TMEM121: variants seen among roughly 807,000 people sequenced by gnomAD.
TMEM121 encodes the protein transmembrane protein 121, also known as transmembrane protein 121A.
Under a neutral mutation model 16.4 loss-of-function variants are expected in TMEM121, and 8 were observed. The ratio of observed to expected loss-of-function variants is 0.49; its 90% CI spans 0.29 to 0.88. TMEM121 has a LOEUF of 0.88. Ranked by LOEUF, TMEM121 falls within the 40% of genes least tolerant of loss-of-function variation. The pLI is 0.09. For missense variants in TMEM121, 401 were observed against 462.0 expected (o/e 0.87, Z 1.21); for synonymous variants, 235 against 226.2 (o/e 1.04, Z -0.35).
rs10569304 is a variant in TMEM121 at position 105,529,712 on chromosome 14, TGCC to T, written c.896_898del (p.Pro299del). The T allele has an allele frequency of 0.28, 429,074 of 1,524,964 alleles. 66,989 individuals are homozygous for T. The highest frequency in any genetic ancestry group is 0.66 in the African/African-American group (47,352 of 71,778). The allele number at this position is 1,524,964 out of a possible 1,614,324, so 94.5% of individuals were successfully genotyped here. On this transcript the variant is annotated inframe_deletion, in exon 2 of 2. Transcript: ENST00000392519. Reference sequence around the variant, plus strand: ...CCGCCACCCCCGCAGCGCAACTCGGTGCCGCCGCCGCCGCCGCCGCTGCACGGC... The same window carrying T: ...CCGCCACCCCCGCAGCGCAACTCGGTGCCGCCGCCGCCGCCGCTGCACGGC...
Position 105,529,648 on chromosome 14 carries a change from C to T in TMEM121, c.814C>T (p.Arg272Cys), listed in dbSNP as rs1555444322. ...CTTCCTGGAGTACCGCCGCCAGGTGCGCGACTTCCCGCCGCCTGCGCTATC... is the reference window on the plus strand; with the variant it reads ...CTTCCTGGAGTACCGCCGCCAGGTGTGCGACTTCCCGCCGCCTGCGCTATC... ...CTFLEYRRQV[R>C]DFPPPALSLE... Residue 272 changes from arginine (R) to cysteine (C), a missense_variant, in exon 2 of 2, where the codon CGC (arginine) becomes TGC (cysteine). Transcript: ENST00000392519. 6.3e-7 allele frequency: 1 copy of T among 1,576,896 alleles called. No homozygotes were observed. Among genetic ancestry groups the T allele is most frequent in the Non-Finnish European group, 8.5e-7 (1 of 1,170,222 alleles).
chr14:105,530,034 G>C lies in TMEM121; in HGVS notation c.*240G>C. On this transcript the variant is annotated 3_prime_UTR_variant, in exon 2 of 2. Transcript: ENST00000392519. ...GGGTCTGTTTGGGAGGCCTGGGCCG[G>C]AGCAGAGCAGAGGTGATCCGGCCCC... 2.0e-6 allele frequency: 1 copy of C among 494,084 alleles called. No individual in the cohort carries two copies. The highest frequency in any genetic ancestry group is 3.6e-6 in the Non-Finnish European group (1 of 279,484). 30.6% of individuals were successfully genotyped at this position (494,084 alleles called of 1,614,324 possible).
chr14:105,527,760 T>G (rs1555443979), intron 1 of TMEM121, among the ~76,000 whole-genome samples: 1 of 145,716 alleles, frequency 6.9e-6, no homozygotes, highest in Non-Finnish European at 1.5e-5. Context: ...GTGGAGGGGG[T>G]GAGGGGCTGG....
chr14:105,529,530 G>C lies in TMEM121; in HGVS notation c.696G>C (p.Ala232=), dbSNP rs1555444288. Residue 232 remains alanine (A), a synonymous_variant, in exon 2 of 2, where the codon GCG becomes GCC. Transcript: ENST00000392519. ...CCGTCAATGTGGTGGCCGTGCTGGC[G>C]CGCGCCGCCAACATGGCGCTGTTCC... is the stretch of plus-strand genomic sequence containing the variant. ...LATVNVVAVL[A]RAANMALFRD... is the part of the protein sequence containing the mutation. The C allele has an allele frequency of 1.3e-6, 2 of 1,541,306 alleles. No individual in the cohort carries two copies. The highest frequency in any genetic ancestry group is 2.4e-5 in the South Asian group (2 of 84,152).
At position 105,529,051 on chromosome 14, in the gene TMEM121, G is replaced by A. The variant is rs1555444166; in HGVS notation, c.217G>A (p.Gly73Ser). 6.2e-7 allele frequency: 1 copy of A among 1,612,454 alleles called. No individual in the cohort carries two copies. The highest frequency in any genetic ancestry group is 8.5e-7 in the Non-Finnish European group (1 of 1,179,782). Residue 73 changes from glycine to serine, a missense_variant, in exon 2 of 2, where the codon GGC becomes AGC. Gly to Ser is a moderately conservative substitution (Grantham distance 56). Transcript: ENST00000392519. ...VGAEVRTAKR[G>S]YAMILWFLYI... is the part of the protein sequence containing the mutation. The stretch of plus-strand genomic sequence containing the variant: ...CGCCGAGGTGCGCACGGCCAAGCGC[G>A]GCTACGCCATGATCCTGTGGTTCCT...
At position 105,526,884 on chromosome 14, in the gene TMEM121, G is replaced by T. The variant is rs2084592274; in HGVS notation, c.-114+231G>T. On this transcript the variant is annotated intron_variant, in intron 1 of 1. Coordinates refer to ENST00000392519, the MANE Select transcript of TMEM121 (RefSeq NM_025268.4). The surrounding 1 kb of genome is among the most constrained non-coding windows in gnomAD (Gnocchi z 6.8). ...GCCTGCTGGGAGCGGCCCAAGCTCT[G>T]CACCGGCCCGCGGCGGGAGCACAGC... Among the ~76,000 whole-genome samples the T allele has an allele frequency of 6.6e-6, 1 of 152,000 alleles. No individual in the cohort carries two copies. The highest frequency in any genetic ancestry group is 1.9e-4 in the East Asian group (1 of 5,170).
chr14:105,528,839 T>G lies in TMEM121; in HGVS notation c.5T>G (p.Val2Gly). The change falls in exon 2 of 2, where the codon GTG (valine) becomes GGG (glycine). Residue 2 changes from valine to glycine, a missense_variant. Val to Gly is a moderately radical substitution (Grantham distance 109). Transcript: ENST00000392519. ...GCCGGGGCCCGGCGGCCGACCATGGTGCTGCCGCCCCCGGACCGGCGCCAC... is the reference window on the plus strand; with the variant it reads ...GCCGGGGCCCGGCGGCCGACCATGGGGCTGCCGCCCCCGGACCGGCGCCAC... M[V>G]LPPPDRRHVC... 1.3e-6 allele frequency: 2 copies of G among 1,531,424 alleles called. No individual in the cohort carries two copies. The highest frequency in any genetic ancestry group is 1.8e-6 in the Non-Finnish European group (2 of 1,139,136). The allele number at this position is 1,531,424 out of a possible 1,614,324, so 94.9% of individuals were successfully genotyped here.
In TMEM121 at chr14:105,529,762, T is replaced by C; in HGVS notation, c.928T>C (p.Ser310Pro). Residue 310 changes from serine (S) to proline (P), a missense_variant, in exon 2 of 2, where the codon TCC becomes CCC. Physicochemically the swap from Ser to Pro is moderately conservative, Grantham distance 74. Coordinates refer to ENST00000392519, the MANE Select transcript of TMEM121 (RefSeq NM_025268.4). ...CGGCCCGCCTGGGCGCCCCCACATG[T>C]CCTCGCCCACGCGTGACCCCCTGGA... The part of the protein sequence containing the change: ...LHGPPGRPHM[S>P]SPTRDPLDT 1 of 1,491,210 alleles carries C rather than the reference T, an allele frequency of 6.7e-7. No homozygotes were observed. The highest frequency in any genetic ancestry group is 8.8e-7 in the Non-Finnish European group (1 of 1,130,546). 92.4% of individuals were successfully genotyped at this position (1,491,210 alleles called of 1,614,324 possible).
At chr14:105,527,890 C>A (rs2141831714) in intron 1 of TMEM121, among the ~76,000 whole-genome samples, 1 of 152,184 alleles carries the variant, frequency 6.6e-6, no homozygotes, top group Middle Eastern at 3.4e-3. Context: ...AGGACCAGTG[C>A]CAGGTGTGTG....
Position 105,529,207 on chromosome 14 carries a change from T to C in TMEM121, c.373T>C (p.Phe125Leu). The change falls in exon 2 of 2, where the codon TTC becomes CTC. Residue 125 changes from phenylalanine to leucine, a missense_variant. By Grantham distance (22) the Phe-to-Leu change is conservative. Coordinates refer to ENST00000392519, the MANE Select transcript of TMEM121 (RefSeq NM_025268.4). The stretch of plus-strand genomic sequence containing the variant: ...GCTGTCTGTGTGTGTGCCCGGCCTG[T>C]TCCTGCTGCTCGTGGCGCTGGACCG... The part of the protein sequence containing the change: ...LLLSVCVPGL[F>L]LLLVALDRME... 2 of 1,580,626 alleles carry C rather than the reference T, an allele frequency of 1.3e-6. No individual in the cohort carries two copies. Among genetic ancestry groups the C allele is most frequent in the Middle Eastern group, 1.7e-4 (1 of 6,026 alleles).
Position 105,529,940 on chromosome 14 carries a change from T to TA in TMEM121, c.*146_*147insA. 1 of 771,818 alleles carries TA rather than the reference T, an allele frequency of 1.3e-6. No homozygotes were observed. Among genetic ancestry groups the TA allele is most frequent in the Non-Finnish European group, 1.9e-6 (1 of 522,472 alleles). The allele number at this position is 771,818 out of a possible 1,614,324, so 47.8% of individuals were successfully genotyped here. A position where few individuals can be genotyped will look rare whatever the true frequency, so the allele number is the denominator to read the frequency against. ...CCCGTGCCTGGGGTCCCGCGGCCGCTTCTTCATCTCAGGAATCTCTCGGAC... is the reference window on the plus strand; with the variant it reads ...CCCGTGCCTGGGGTCCCGCGGCCGCTATCTTCATCTCAGGAATCTCTCGGAC... On this transcript the variant is annotated 3_prime_UTR_variant, in exon 2 of 2. Coordinates refer to ENST00000392519, the MANE Select transcript of TMEM121 (RefSeq NM_025268.4).
chr14:105,528,623 C>G (rs1290867610), intron 1 of TMEM121, 99 bp from the exon 2 acceptor site: 19 of 341,282 alleles, frequency 5.6e-5, no homozygotes, highest in African/African-American at 3.3e-4. Flanking sequence ...GGCGCGGAGA[C>G]CGCGCCTGGT....
In TMEM121 at chr14:105,529,408, C is replaced by T. The variant is rs2084621000; in HGVS notation, c.574C>T (p.Leu192=). 1 of 1,545,150 alleles carries T rather than the reference C, an allele frequency of 6.5e-7. No individual in the cohort carries two copies. Among genetic ancestry groups the T allele is most frequent in the Non-Finnish European group, 8.7e-7 (1 of 1,146,846 alleles). The part of the protein sequence containing the change: ...LTFFYCYMLL[L]VLPCVALSEV... ...CTTCTTCTACTGCTACATGCTGCTGCTGGTGCTGCCGTGCGTGGCGCTCAG... is the reference window on the plus strand; with the variant it reads ...CTTCTTCTACTGCTACATGCTGCTGTTGGTGCTGCCGTGCGTGGCGCTCAG... Residue 192 remains leucine, a synonymous_variant, in exon 2 of 2, where the codon CTG becomes TTG. Transcript: ENST00000392519.
At chr14:105,527,928 C>T (rs980122087) in intron 1 of TMEM121, among the ~76,000 whole-genome samples, 1 of 152,104 alleles carries the variant, frequency 6.6e-6, no homozygotes, top group Non-Finnish European at 1.5e-5. Context: ...TGTGGAAGCC[C>T]GACGGGCCTT....
At chr14:105,527,099 C>G (rs1320050813) in intron 1 of TMEM121, 1 of 152,660 alleles carries the variant, frequency 6.6e-6, no homozygotes, top group African/African-American at 2.4e-5. Flanking sequence ...GGGGCCAGGT[C>G]CCTACGGAGA....
At chr14:105,528,160 CG>C (rs2084604348) in intron 1 of TMEM121, among the ~76,000 whole-genome samples, 1 of 150,756 alleles carries the variant, frequency 6.6e-6, no homozygotes, top group Admixed American at 6.6e-5. Context: ...TGGGGGCTGC[CG>C]GGCAGGGGCG....
At position 105,528,952 on chromosome 14, in the gene TMEM121, G is replaced by A. The variant is rs1190976350; in HGVS notation, c.118G>A (p.Gly40Ser). 20 of 1,608,084 alleles carry A rather than the reference G, an allele frequency of 1.2e-5. No individual in the cohort carries two copies. Among genetic ancestry groups the A allele is most frequent in the Non-Finnish European group, 1.7e-5 (20 of 1,177,666 alleles). The change falls in exon 2 of 2, where the codon GGC becomes AGC. Residue 40 changes from glycine to serine, a missense_variant. By Grantham distance (56) the Gly-to-Ser change is moderately conservative. Transcript: ENST00000392519. ...GCAGAACCAGGGCCCGCGCAAGATC[G>A]GCGTGTGCATCATCGTGCTGGTGGG... Reference protein sequence around the residue: ...VEQNQGPRKIGVCIIVLVGDV... With the variant: ...VEQNQGPRKISVCIIVLVGDV...
At position 105,529,761 on chromosome 14, in the gene TMEM121, G is replaced by T; in HGVS notation, c.927G>T (p.Met309Ile). Residue 309 changes from methionine (M) to isoleucine (I), a missense_variant, in exon 2 of 2, where the codon ATG (methionine) becomes ATT (isoleucine). Physicochemically the swap from Met to Ile is conservative, Grantham distance 10. Transcript: ENST00000392519. ...ACGGCCCGCCTGGGCGCCCCCACAT[G>T]TCCTCGCCCACGCGTGACCCCCTGG... is the stretch of plus-strand genomic sequence containing the variant. ...PLHGPPGRPH[M>I]SSPTRDPLDT 1 of 1,492,300 alleles carries T rather than the reference G, an allele frequency of 6.7e-7. No homozygotes were observed. Among genetic ancestry groups the T allele is most frequent in the Middle Eastern group, 1.9e-4 (1 of 5,198 alleles). 92.4% of individuals were successfully genotyped at this position (1,492,300 alleles called of 1,614,324 possible).
chr14:105,529,115 T>C lies in TMEM121; in HGVS notation c.281T>C (p.Phe94Ser). The change falls in exon 2 of 2, where the codon TTC becomes TCC. Residue 94 changes from phenylalanine to serine, a missense_variant. Coordinates refer to ENST00000392519, the MANE Select transcript of TMEM121 (RefSeq NM_025268.4). Reference protein sequence around the residue: ...FVLEIKLYFIFQNYKAARRGA... With the variant: ...FVLEIKLYFISQNYKAARRGA... ...CTGGAGATCAAGCTCTACTTCATCT[T>C]CCAGAACTACAAGGCGGCGCGGCGC... 1.9e-6 allele frequency: 3 copies of C among 1,610,874 alleles called. No individual in the cohort carries two copies. The highest frequency in any genetic ancestry group is 1.7e-6 in the Non-Finnish European group (2 of 1,179,648).
Sources: allele counts gnomAD v4.1 joint callset (sites outside exome capture counted in the v4.1 genomes callset), GRCh38; gene constraint gnomAD v4.1.1; non-coding constraint Gnocchi (gnomAD v3.1); transcripts MANE v1.5; gene names NCBI Gene and HGNC (gene_info 2026-07-23, HGNC 2026-07-21).